The following IRAG2 variants were observed in gnomAD, a reference collection of about 807,000 sequenced individuals.
IRAG2 encodes inositol 1,4,5-triphosphate receptor associated 2.
A neutral mutation model predicts 69.9 loss-of-function variants in IRAG2; 45 were observed. The ratio of observed to expected loss-of-function variants is 0.64; its 90% CI spans 0.51 to 0.83. The LOEUF is 0.83. Among genes scored for constraint, IRAG2 ranks in the 40% least tolerant of loss-of-function variants. The pLI is 0.00. For missense variants in IRAG2, 520 were observed against 587.0 expected (o/e 0.89, Z 1.18); for synonymous variants, 193 against 202.4 (o/e 0.95, Z 0.40).
chr12:25,075,761 C>T (rs1293722018), intron 6 of IRAG2: 1 of 152,102 alleles, frequency 6.6e-6, no homozygotes, highest in Non-Finnish European at 1.5e-5. Context: ...TCTGTGCTAT[C>T]GGCATGTGTT....
upstream of IRAG2, among the ~76,000 whole-genome samples, chr12:25,051,878 G>T (rs538301308): frequency 1.3e-5 from 2 of 152,162 alleles, no homozygotes; most frequent in African/African-American, 4.8e-5. Flanking sequence ...ATGTGTAAAT[G>T]TTGCACCTGT....
chr12:25,055,058 G>C (rs1403582509), intron 1 of IRAG2, among the ~76,000 whole-genome samples: 1 of 152,192 alleles, frequency 6.6e-6, no homozygotes, highest in Admixed American at 6.5e-5. Context: ...TCTCTGGCTA[G>C]TTTAATAAAT....
chr12:25,011,888 A>G (rs1168837021), intron 3 of IRAG2, among the ~76,000 whole-genome samples: 1 of 152,204 alleles, frequency 6.6e-6, no homozygotes, highest in Non-Finnish European at 1.5e-5. Flanking sequence ...GAGCTGACAT[A>G]CGAGTCAGGT....
At chr12:24,997,727 C>T in the IRAG2 span, 1 of 152,726 alleles carries the variant, frequency 6.5e-6, no homozygotes, top group East Asian at 1.9e-4. Flanking sequence ...CAGATGTAGG[C>T]TGTTCTGTTG....
At chr12:25,099,145 T>C (rs1234954601) in intron 15 of IRAG2, among the ~76,000 whole-genome samples, 1 of 152,068 alleles carries the variant, frequency 6.6e-6, no homozygotes, top group Non-Finnish European at 1.5e-5. Flanking sequence ...GACTCTCAAA[T>C]TCATATGTTT....
intron 6 of IRAG2, among the ~76,000 whole-genome samples, chr12:25,077,246 T>TATATATGAAATATATATGAA (rs1946784979): frequency 9.8e-6 from 1 of 102,130 alleles, no homozygotes; most frequent in African/African-American, 3.9e-5. Context: ...ATATGAAATA[T>TATATATGAAATATATATGAA]ATATATGATA....
intron 15 of IRAG2, among the ~76,000 whole-genome samples, chr12:25,098,984 T>C (rs1400595370): frequency 6.6e-6 from 1 of 152,084 alleles, no homozygotes; most frequent in African/African-American, 2.4e-5. Context: ...CTCTAGCTTT[T>C]CTCTACATCA....
chr12:25,011,040 A>G (rs1288140258), intron 2 of IRAG2, among the ~76,000 whole-genome samples: 1 of 152,244 alleles, frequency 6.6e-6, no homozygotes, highest in Non-Finnish European at 1.5e-5. Context: ...ATGAGAAATT[A>G]TTGATTACAT....
chr12:25,030,318 A>G (rs1008336424), exon 10 of IRAG2: 84 of 1,231,576 alleles, frequency 6.8e-5, no homozygotes, highest in Non-Finnish European at 8.3e-5. Flanking sequence ...CTTAATAAAG[A>G]TACAAGTTTG....
chr12:25,059,480 T>G (rs1179379993), intron 1 of IRAG2, among the ~76,000 whole-genome samples: 2 of 152,022 alleles, frequency 1.3e-5, no homozygotes, highest in African/African-American at 4.8e-5. Flanking sequence ...GCCTCCTGAG[T>G]AGGTGGGACT....
chr12:25,100,478 G>A (rs532618395), intron 15 of IRAG2, among the ~76,000 whole-genome samples: 1 of 152,230 alleles, frequency 6.6e-6, no homozygotes, highest in East Asian at 1.9e-4. Flanking sequence ...TGTTTCACTG[G>A]GGTACTCCTA....
At chr12:25,089,904 C>A in intron 13 of IRAG2, 114 bp downstream of exon 13, 1 of 1,322,052 alleles carries the variant, frequency 7.6e-7, no homozygotes, top group Non-Finnish European at 1.1e-6. Context: ...TTTGGCTTGG[C>A]TGTGACTCAG....
intron 15 of IRAG2, among the ~76,000 whole-genome samples, chr12:25,098,042 C>T (rs1948527402): frequency 6.6e-6 from 1 of 152,228 alleles, no homozygotes; most frequent in Non-Finnish European, 1.5e-5. Flanking sequence ...CTACTGTTGG[C>T]CATCCTGCTT....
intron 7 of IRAG2, among the ~76,000 whole-genome samples, chr12:25,021,212 C>T (rs923972853): frequency 1.3e-5 from 2 of 151,596 alleles, no homozygotes; most frequent in Non-Finnish European, 1.5e-5. Context: ...TCAAGCGATC[C>T]TCTCACTTCA....
At chr12:25,038,029 T>C (rs1008768622) in exon 16 of IRAG2, 3 of 398,788 alleles carry the variant, frequency 7.5e-6, no homozygotes, top group Non-Finnish European at 1.3e-5. Flanking sequence ...ATGCTGAACA[T>C]CTTGGGAAAC....
upstream of IRAG2, among the ~76,000 whole-genome samples, chr12:25,051,289 C>T (rs1325687053): frequency 6.6e-6 from 1 of 152,176 alleles, no homozygotes; most frequent in East Asian, 1.9e-4. Flanking sequence ...TTCTGTGAGA[C>T]CATTCTTGCC....
intron 6 of IRAG2, among the ~76,000 whole-genome samples, chr12:25,070,443 T>C (rs1169742729): frequency 1.3e-5 from 2 of 152,232 alleles, no homozygotes; most frequent in Admixed American, 1.3e-4. Flanking sequence ...TCAAGATTCA[T>C]CCATGTCATA....
At position 25,089,617 on chromosome 12, in the gene IRAG2, C is replaced by T. The variant is rs187118620; in HGVS notation, c.377C>T (p.Ser126Phe). ...ATATTTTATTATATTTTAATAGACT[C>T]TGTGGTTTCCCCTCTTCCTGTAACC... is the stretch of plus-strand genomic sequence containing the variant. ...EHKKEHASGD[S>F]VVSPLPVTTV... Residue 126 changes from serine (S) to phenylalanine (F), a missense_variant, in exon 12 of 22, where the codon TCT becomes TTT. Coordinates refer to ENST00000556887, the MANE Select transcript of IRAG2 (RefSeq NM_001366544.2). The T allele has an allele frequency of 2.0e-5, 31 of 1,579,906 alleles. No individual in the cohort carries two copies. In the African/African-American group the frequency reaches 3.6e-4, roughly 19 times the overall value.
At chr12:25,031,374 A>G (rs1944666129) in intron 10 of IRAG2, among the ~76,000 whole-genome samples, 1 of 152,198 alleles carries the variant, frequency 6.6e-6, no homozygotes, top group African/African-American at 2.4e-5. Flanking sequence ...CGCTAGCCAC[A>G]GGATAAAATT....
Sources: allele counts gnomAD v4.1 joint callset (sites outside exome capture counted in the v4.1 genomes callset), GRCh38; gene constraint gnomAD v4.1.1; transcripts MANE v1.5; gene names NCBI Gene and HGNC (gene_info 2026-07-23, HGNC 2026-07-21).